CSF2RA: variants seen among roughly 807,000 people sequenced by gnomAD.
CSF2RA encodes colony stimulating factor 2 receptor subunit alpha, also known as granulocyte-macrophage colony-stimulating factor receptor subunit alpha.
Under a neutral mutation model 51.6 loss-of-function variants are expected in CSF2RA, and 42 were observed. The ratio of observed to expected loss-of-function variants is 0.81; its 90% CI spans 0.64 to 1.05. The LOEUF is 1.05. Ranked by LOEUF, CSF2RA falls within the 50% of genes least tolerant of loss-of-function variation. The pLI is 0.00. For synonymous variants in CSF2RA, 222 were observed against 193.0 expected, an observed-to-expected ratio of 1.15 and a Z score of -1.24; for missense variants, 530 against 501.1, an observed-to-expected ratio of 1.06 and a Z score of -0.55.
the CSF2RA span, among the ~76,000 whole-genome samples, chrX:1,324,673 G>A: frequency 1.3e-5 from 2 of 152,144 alleles, no homozygotes; most frequent in South Asian, 4.1e-4. Context: ...GGATGGAGAG[G>A]TTGCTTTTGC....
the CSF2RA span, among the ~76,000 whole-genome samples, chrX:1,324,362 G>C: frequency 7.1e-6 from 1 of 140,074 alleles, no homozygotes; most frequent in African/African-American, 2.7e-5. Context: ...AGGAAAAAGA[G>C]AAAGGAAAGA....
the CSF2RA span, among the ~76,000 whole-genome samples, chrX:1,319,390 G>A: frequency 3.4e-5 from 5 of 148,948 alleles, no homozygotes; most frequent in Non-Finnish European, 3.0e-5. Context: ...CCGGCTTAGC[G>A]ATCCTCCTCT....
Position 1,271,495 on chromosome X carries a change from A to G in CSF2RA, c.-91+2616A>G, listed in dbSNP as rs372112655. On this transcript the variant is annotated intron_variant, in intron 1 of 12. Transcript: ENST00000381529. ...GCTAGGATTACAGGCACGTGCCACCATGCCCAGCTAATTTTTGAATTTATT... is the reference window on the plus strand; with the variant it reads ...GCTAGGATTACAGGCACGTGCCACCGTGCCCAGCTAATTTTTGAATTTATT... Among the ~76,000 whole-genome samples the G allele has an allele frequency of 1.9e-4, 29 of 150,462 alleles. 1 individual carries two copies. The highest frequency in any genetic ancestry group is 6.3e-4 in the African/African-American group (26 of 41,196).
chrX:1,288,820 C>T lies in CSF2RA; in HGVS notation c.405C>T (p.Asn135=). 1 of 1,613,950 alleles carries T rather than the reference C, an allele frequency of 6.2e-7. No homozygotes were observed. Among genetic ancestry groups the T allele is most frequent in the African/African-American group, 1.3e-5 (1 of 75,028 alleles). The stretch of plus-strand genomic sequence containing the variant: ...TCATCTACAATGCGGATTTAATGAA[C>T]TGTACCTGGGCGAGGGGTCCGACGG... ...SCFIYNADLM[N]CTWARGPTAP... The change falls in exon 6 of 13, where the codon AAC becomes AAT. Residue 135 remains asparagine (N), a synonymous_variant. Coordinates refer to ENST00000381529, the MANE Select transcript of CSF2RA (RefSeq NM_172245.4).
rs373641627 is a variant in CSF2RA, at chrX:1,293,729, C to T, written c.647-599C>T. The stretch of plus-strand genomic sequence containing the variant: ...CATCTCCACCTGGACCCAGTGTAGA[C>T]AAAGAGGTGTCCCTAGTCCACATCC... On this transcript the variant is annotated intron_variant, in intron 7 of 12. Transcript: ENST00000381529. Among the ~76,000 whole-genome samples the T allele has an allele frequency of 9.7e-4, 147 of 151,788 alleles. No homozygotes were observed. The South Asian group carries it at 0.03, about 31-fold the overall frequency.
intron 1 of CSF2RA, among the ~76,000 whole-genome samples, chrX:1,272,791 T>G (rs1281229672): frequency 5.8e-5 from 8 of 138,308 alleles, no homozygotes; most frequent in Non-Finnish European, 1.2e-4. Context: ...GCACCTAGCT[T>G]CTTCTTTTTC....
At chrX:1,285,701 CAAAAAAAAAAAAA>C (rs374606414) in intron 3 of CSF2RA, 64 bp from the exon 4 acceptor site, 11,896 of 868,820 alleles carry the variant, frequency 0.014, 27 homozygotes, top group Admixed American at 0.019. Context: ...GACTCCGTCT[CAAAAAAAAAAAAA>C]AAAAAAAAAA....
downstream of CSF2RA, among the ~76,000 whole-genome samples, chrX:1,313,764 A>G (rs375249239): frequency 0.18 from 27,860 of 151,674 alleles, 3,697 homozygotes; most frequent in East Asian, 0.45. Context: ...CGAGGTGGGC[A>G]GATCACCTGA....
chrX:1,280,892 C>CCTCCTCCTCCTCCTCCTT (rs2089859299), intron 2 of CSF2RA, among the ~76,000 whole-genome samples: 47 of 136,064 alleles, frequency 3.5e-4, no homozygotes, highest in Non-Finnish European at 6.0e-4. Context: ...TCCTTCTCCT[C>CCTCCTCCTCCTCCTCCTT]CTCCTCCTCC....
downstream of CSF2RA, among the ~76,000 whole-genome samples, chrX:1,314,537 C>T (rs1171748504): frequency 2.5e-5 from 3 of 118,720 alleles, no homozygotes; most frequent in African/African-American, 1.0e-4. Flanking sequence ...CCCACTGCAC[C>T]TGCCCAATCC....
downstream of CSF2RA, chrX:1,310,492 C>T (rs1374475503): frequency 7.9e-5 from 12 of 151,636 alleles, no homozygotes; most frequent in Non-Finnish European, 1.6e-4. Context: ...CATAGTGAAA[C>T]CCCATCTCTA....
In CSF2RA at chrX:1,305,094, A is replaced by C. The variant is rs1447775843; in HGVS notation, c.1044-352A>C. 8.2e-5 allele frequency among the ~76,000 whole-genome samples: 12 copies of C among 145,878 alleles called. No homozygotes were observed. The East Asian group carries it at 1.0e-3, about 13-fold the overall frequency. The stretch of plus-strand genomic sequence containing the variant: ...CTGCAACCTCCACCTCCCAGGTTCA[A>C]GCAATTCTCCTGCCTCAGCCTCCTG... On this transcript the variant is annotated intron_variant, in intron 11 of 12. Transcript: ENST00000381529.
intron 7 of CSF2RA, 32 bp from the exon 8 acceptor site, chrX:1,294,296 G>A (rs185329930): frequency 4.3e-6 from 7 of 1,612,020 alleles, no homozygotes; most frequent in Non-Finnish European, 5.9e-6. Context: ...GACCTCTCGG[G>A]TTCAGGGGTG....
chrX:1,287,314 T>G (rs1440868692), intron 4 of CSF2RA: 2 of 150,790 alleles, frequency 1.3e-5, no homozygotes, highest in Non-Finnish European at 3.0e-5. Flanking sequence ...CCACCACGCC[T>G]GGCTAATTTT....
At chrX:1,313,947 T>C (rs112702945), downstream of CSF2RA, among the ~76,000 whole-genome samples, 25,669 of 151,936 alleles carry the variant, frequency 0.17, 3,043 homozygotes, top group East Asian at 0.44. Flanking sequence ...GCCCAGATCA[T>C]GCGATTGCAC....
intron 1 of CSF2RA, among the ~76,000 whole-genome samples, chrX:1,269,398 ATC>A (rs1477665999): frequency 2.6e-5 from 4 of 151,980 alleles, no homozygotes; most frequent in Admixed American, 2.0e-4. Context: ...AGGCGGGTGG[ATC>A]ACCTGAGGTC....
At chrX:1,276,825 G>C (rs1365966491) in intron 2 of CSF2RA, among the ~76,000 whole-genome samples, 1 of 152,144 alleles carries the variant, frequency 6.6e-6, no homozygotes, top group East Asian at 1.9e-4. Flanking sequence ...TAGCAGACAG[G>C]TGTGGTGGCT....
At chrX:1,308,951 G>C (rs1205803400) in intron 12 of CSF2RA, among the ~76,000 whole-genome samples, 1 of 152,176 alleles carries the variant, frequency 6.6e-6, no homozygotes, top group Non-Finnish European at 1.5e-5. Context: ...CCCATGGCCA[G>C]GTGCAGTGGC....
At chrX:1,287,033 ATGATTTATTGACTGATAGG>A (rs1382194200) in intron 4 of CSF2RA, 1 of 151,916 alleles carries the variant, frequency 6.6e-6, no homozygotes, top group Non-Finnish European at 1.5e-5. Flanking sequence ...TAGGTGATAG[ATGATTTATTGACTGATAGG>A]TGATAATAGA....
Sources: gnomAD v4.1 joint callset for allele counts (sites outside exome capture counted in the v4.1 genomes callset) on GRCh38, gnomAD v4.1.1 for gene constraint, MANE v1.5 for transcripts, NCBI Gene and HGNC (gene_info 2026-07-23, HGNC 2026-07-21) for gene names.